The following BCL9 variants were observed in gnomAD, a reference collection of about 807,000 sequenced individuals.
BCL9 encodes BCL9 transcription coactivator, also known as B-cell CLL/lymphoma 9 protein.
BCL9 carries 25 observed loss-of-function variants against 88.5 expected under a neutral mutation model. The ratio of observed to expected loss-of-function variants is 0.28; its 90% CI spans 0.21 to 0.39. BCL9 has a LOEUF of 0.39. Among genes scored for constraint, BCL9 ranks in the 10% least tolerant of loss-of-function variants. BCL9 has a pLI of 1.00. For missense variants in BCL9, 1,817 were observed against 1,877.8 expected, an observed-to-expected ratio of 0.97 and a Z score of 0.60; for synonymous variants, 711 against 673.3, an observed-to-expected ratio of 1.06 and a Z score of -0.87.
At chr1:147,599,287 C>T (rs904763436) in intron 1 of BCL9, among the ~76,000 whole-genome samples, 2 of 152,204 alleles carry the variant, frequency 1.3e-5, no homozygotes, top group Non-Finnish European at 2.9e-5. Flanking sequence ...CCAGGCGGTG[C>T]AGACTCAGAG....
At chr1:147,555,777 A>G (rs191737172) in intron 1 of BCL9, among the ~76,000 whole-genome samples, 116 of 152,300 alleles carry the variant, frequency 7.6e-4, no homozygotes, top group African/African-American at 2.7e-3. Context: ...TTCCAGATTT[A>G]ATGATGTTTT....
At chr1:147,556,828 TG>T (rs1476263328) in intron 1 of BCL9, among the ~76,000 whole-genome samples, 1 of 152,184 alleles carries the variant, frequency 6.6e-6, no homozygotes, top group Admixed American at 6.5e-5. Flanking sequence ...CTGCTCAATA[TG>T]ACATCTGTTT....
chr1:147,571,049 G>T (rs1655865022), intron 1 of BCL9, among the ~76,000 whole-genome samples: 1 of 151,958 alleles, frequency 6.6e-6, no homozygotes, highest in African/African-American at 2.4e-5. Flanking sequence ...GTACACCCTG[G>T]GACCCACCAG....
At chr1:147,564,587 A>G (rs1655523014) in intron 1 of BCL9, among the ~76,000 whole-genome samples, 1 of 152,164 alleles carries the variant, frequency 6.6e-6, no homozygotes, top group African/African-American at 2.4e-5. Context: ...TCTCTTCTAC[A>G]TCCTGAGAGT....
At chr1:147,613,731 C>T (rs185296332) in intron 5 of BCL9, among the ~76,000 whole-genome samples, 98 of 152,264 alleles carry the variant, frequency 6.4e-4, no homozygotes, top group Middle Eastern at 6.8e-3. Context: ...GAATGAGTGG[C>T]TACCAGATGT....
Position 147,620,000 on chromosome 1 carries a change from T to C in BCL9, c.1845T>C (p.Pro615=), listed in dbSNP as rs1553204854. 6.2e-7 allele frequency: 1 copy of C among 1,614,186 alleles called. No homozygotes were observed. The highest frequency in any genetic ancestry group is 1.7e-5 in the Admixed American group (1 of 60,026). Reference sequence around the variant, plus strand: ...CTGGCCAGGGCATTTTCAGCGGTCCTGGCCGAGGGGAACGCTTCCCAAACC... The same window carrying C: ...CTGGCCAGGGCATTTTCAGCGGTCCCGGCCGAGGGGAACGCTTCCCAAACC... ...FPPGQGIFSG[P]GRGERFPNPQ... The change falls in exon 8 of 10, where the codon CCT becomes CCC. Residue 615 remains proline (P), a synonymous_variant. Transcript: ENST00000234739. This position sits in a 1 kb window ranked among gnomAD's most constrained non-coding sequence, Gnocchi z 4.1.
chr1:147,573,683 G>C (rs1655982403), intron 1 of BCL9, among the ~76,000 whole-genome samples: 1 of 152,162 alleles, frequency 6.6e-6, no homozygotes, highest in Non-Finnish European at 1.5e-5. Context: ...TCTCTAAAAT[G>C]GGGAGCATTG....
At position 147,613,588 on chromosome 1, in the gene BCL9, C is replaced by T. The variant is rs1168609052; in HGVS notation, c.370+389C>T. 3.3e-5 allele frequency among the ~76,000 whole-genome samples: 5 copies of T among 152,188 alleles called. 1 individual carries two copies. Among genetic ancestry groups the T allele is most frequent in the African/African-American group, 1.2e-4 (5 of 41,432 alleles). On this transcript the variant is annotated intron_variant, in intron 5 of 9. Transcript: ENST00000234739. ...TTTTTCTGGTATCCCCTTCTCTTCTCCATCAGAGCAATCCTCCAAGGCTTG... is the reference window on the plus strand; with the variant it reads ...TTTTTCTGGTATCCCCTTCTCTTCTTCATCAGAGCAATCCTCCAAGGCTTG...
In BCL9 at chr1:147,614,536, A is replaced by C; in HGVS notation, c.480A>C (p.Gln160His). 1 of 1,613,976 alleles carries C rather than the reference A, an allele frequency of 6.2e-7. No individual in the cohort carries two copies. The highest frequency in any genetic ancestry group is 8.5e-7 in the Non-Finnish European group (1 of 1,179,974). Residue 160 changes from glutamine to histidine, a missense_variant, in exon 6 of 10, where the codon CAA becomes CAC. Transcript: ENST00000234739. Reference sequence around the variant, plus strand: ...GGTCTTCTACCCCCTCCCATGGCCAAACTACTGCCACAGAGCCCACACCTG... The same window carrying C: ...GGTCTTCTACCCCCTCCCATGGCCACACTACTGCCACAGAGCCCACACCTG... ...APRSSTPSHGQTTATEPTPAQ... is the reference protein window; with the variant it reads ...APRSSTPSHGHTTATEPTPAQ...
At chr1:147,566,512 T>C (rs1457320574) in intron 1 of BCL9, among the ~76,000 whole-genome samples, 8 of 151,550 alleles carry the variant, frequency 5.3e-5, no homozygotes, top group Admixed American at 3.3e-4. Flanking sequence ...TCCCAGCACT[T>C]TGGGGAGGCC....
rs782214311 is a variant in BCL9 at position 147,619,806 on chromosome 1, C to A, written c.1651C>A (p.Pro551Thr). The A allele has an allele frequency of 1.9e-6, 3 of 1,614,130 alleles. No individual in the cohort carries two copies. The Admixed American group carries it at 5.0e-5, about 27-fold the overall frequency. The stretch of plus-strand genomic sequence containing the variant: ...TTCTCTGCCCCCGAGGGGCATGGCT[C>A]CCCACCCCAACATGCCAGGGAGCCA... ...PHSLPPRGMAPHPNMPGSQMR... is the reference protein window; with the variant it reads ...PHSLPPRGMATHPNMPGSQMR... Residue 551 changes from proline to threonine, a missense_variant, in exon 8 of 10, where the codon CCC (proline) becomes ACC (threonine). Transcript: ENST00000234739. This position sits in a 1 kb window ranked among gnomAD's most constrained non-coding sequence, Gnocchi z 4.1.
At position 147,620,779 on chromosome 1, in the gene BCL9, T is replaced by C; in HGVS notation, c.2624T>C (p.Met875Thr). ...SPTMHQVQSP[M>T]LGSPSGNLKS... ...ACGATGCACCAAGTCCAGTCACCAA[T>C]GCTGGGCTCGCCCTCGGGGAACCTC... The change falls in exon 8 of 10, where the codon ATG (methionine) becomes ACG (threonine). Residue 875 changes from methionine to threonine, a missense_variant. Physicochemically the swap from Met to Thr is moderately conservative, Grantham distance 81. This residue lies in a region of BCL9 where 1,228 missense variants were observed against 1,191.6 expected (regional missense o/e 1.03). Coordinates refer to ENST00000234739, the MANE Select transcript of BCL9 (RefSeq NM_004326.4). 6.2e-7 allele frequency: 1 copy of C among 1,614,150 alleles called. No homozygotes were observed. Among genetic ancestry groups the C allele is most frequent in the Non-Finnish European group, 8.5e-7 (1 of 1,180,040 alleles).
intron 1 of BCL9, among the ~76,000 whole-genome samples, chr1:147,560,421 C>G (rs1407509388): frequency 1.3e-5 from 2 of 151,894 alleles, no homozygotes; most frequent in Non-Finnish European, 2.9e-5. Context: ...GAAACCCCCT[C>G]TCTACTAAAA....
At chr1:147,622,711 T>C (rs1658708166) in intron 9 of BCL9, among the ~76,000 whole-genome samples, 180 bp downstream of exon 9, 1 of 152,196 alleles carries the variant, frequency 6.6e-6, no homozygotes, top group African/African-American at 2.4e-5. Context: ...TAATTTCTTA[T>C]TAGCTTGATT....
intron 4 of BCL9, among the ~76,000 whole-genome samples, chr1:147,612,142 A>G (rs1658039049): frequency 6.6e-6 from 1 of 152,140 alleles, no homozygotes; most frequent in South Asian, 2.1e-4. Flanking sequence ...TCCCTGCCAA[A>G]GCACAAACGA....
chr1:147,563,432 A>G (rs1390729457), intron 1 of BCL9, among the ~76,000 whole-genome samples: 1 of 152,194 alleles, frequency 6.6e-6, no homozygotes, highest in Non-Finnish European at 1.5e-5. Context: ...TGCAGGTATA[A>G]CAACATTCAG....
intron 9 of BCL9, 64 bp from the exon 10 acceptor site, chr1:147,623,778 T>C (rs1468308082): frequency 3.3e-6 from 5 of 1,513,936 alleles, no homozygotes; most frequent in Non-Finnish European, 4.5e-6. Flanking sequence ...TTTGTTAATT[T>C]ATTATAGTTT....
At chr1:147,597,012 TA>T (rs1553200579) in intron 1 of BCL9, among the ~76,000 whole-genome samples, 1 of 152,156 alleles carries the variant, frequency 6.6e-6, no homozygotes, top group Non-Finnish European at 1.5e-5. Context: ...AAGACTTTCA[TA>T]TTCTCTCCTA....
chr1:147,603,409 G>A (rs1267172799), intron 1 of BCL9, among the ~76,000 whole-genome samples: 2 of 152,206 alleles, frequency 1.3e-5, no homozygotes, highest in Non-Finnish European at 2.9e-5. Flanking sequence ...CTTCCTGGCA[G>A]CTTAATTTTC....
Sources: allele counts gnomAD v4.1 joint callset (sites outside exome capture counted in the v4.1 genomes callset), GRCh38; gene constraint gnomAD v4.1.1; regional missense constraint gnomAD v4.1.1; non-coding constraint Gnocchi (gnomAD v3.1); transcripts MANE v1.5; gene names NCBI Gene and HGNC (gene_info 2026-07-23, HGNC 2026-07-21).